Variants in NF1 observed in about 807,000 individuals in gnomAD.
NF1 encodes the protein neurofibromin.
NF1 carries 122 observed loss-of-function variants against 325.7 expected under a neutral mutation model. That is an observed-to-expected ratio of 0.37 (90% confidence interval 0.32 to 0.44). NF1 has a LOEUF of 0.44. Ranked by LOEUF, NF1 falls within the 20% of genes least tolerant of loss-of-function variation. NF1 has a pLI of 1.00. For missense variants in NF1, 2,140 were observed against 3,415.4 expected, an observed-to-expected ratio of 0.63 and a Z score of 9.31; for synonymous variants, 1,091 against 1,186.0, an observed-to-expected ratio of 0.92 and a Z score of 1.65.
chr17:31,357,133 A>T (rs768913424), intron 53 of NF1, 43 bp downstream of exon 53: 2 of 1,611,788 alleles, frequency 1.2e-6, no homozygotes, highest in South Asian at 2.2e-5. Flanking sequence ...TCAAATTTTT[A>T]TTCCAGTCTA....
At chr17:31,200,361 G>A in intron 8 of NF1, 61 bp from the exon 9 acceptor site, 2 of 1,505,042 alleles carry the variant, frequency 1.3e-6, no homozygotes, top group South Asian at 1.1e-5. Flanking sequence ...TATAATATTA[G>A]CTACATCTGG....
At chr17:31,159,829 A>G (rs886675153) in intron 3 of NF1, among the ~76,000 whole-genome samples, 1 of 152,152 alleles carries the variant, frequency 6.6e-6, no homozygotes, top group African/African-American at 2.4e-5. Context: ...ATTGAAATTA[A>G]CTCATTTCTT....
At chr17:31,287,197 C>T (rs2068244778) in intron 36 of NF1, among the ~76,000 whole-genome samples, 1 of 152,158 alleles carries the variant, frequency 6.6e-6, no homozygotes, top group African/African-American at 2.4e-5. Context: ...CAGTCATTTT[C>T]ACTTCTAATC....
Position 31,175,023 on chromosome 17 carries a change from C to T in NF1, c.586+5026C>T, listed in dbSNP as rs570916040. Among the ~76,000 whole-genome samples, 83 of 144,234 alleles carry T rather than the reference C, an allele frequency of 5.8e-4. 1 individual carries two copies. Among genetic ancestry groups the T allele is most frequent in the African/African-American group, 2.1e-3 (82 of 39,628 alleles). 94.6% of individuals were successfully genotyped at this position (144,234 alleles called of 152,430 possible). ...ACTGGGGAGGCTGAAGCAGGAGAATCGCTTGAACCTGGGAGACGGAGGTTG... is the reference window on the plus strand; with the variant it reads ...ACTGGGGAGGCTGAAGCAGGAGAATTGCTTGAACCTGGGAGACGGAGGTTG... On this transcript the variant is annotated intron_variant, in intron 5 of 57. Coordinates refer to ENST00000358273, the MANE Select transcript of NF1 (RefSeq NM_001042492.3).
intron 1 of NF1, among the ~76,000 whole-genome samples, chr17:31,120,149 G>C (rs906677996): frequency 9.9e-5 from 15 of 152,170 alleles, no homozygotes; most frequent in African/African-American, 3.4e-4. Context: ...CTGCAAGAAA[G>C]TCAATGGTAG....
chr17:31,232,481 C>T (rs774077816), intron 25 of NF1, among the ~76,000 whole-genome samples: 5 of 152,030 alleles, frequency 3.3e-5, no homozygotes, highest in African/African-American at 4.8e-5. Context: ...CTATTTGATG[C>T]TAATGTTATG....
chr17:31,350,166 C>T lies in NF1; in HGVS notation c.7322-17C>T, dbSNP rs17884859. On this transcript the variant is annotated splice_polypyrimidine_tract_variant and intron_variant, in intron 49 of 57. Transcript: ENST00000358273. ...TGATTTGTTAAATTTTTTAACCTGC[C>T]ACCGTTTTCCTTTTAGCTTTACTTA... 3,074 of 1,613,764 alleles carry T rather than the reference C, an allele frequency of 1.9e-3. 26 individuals are homozygous for T. In the African/African-American group the frequency reaches 0.024, roughly 13 times the overall value.
In NF1 at chr17:31,360,637, A is replaced by C; in HGVS notation, c.8311A>C (p.Ser2771Arg). 1 of 1,614,146 alleles carries C rather than the reference A, an allele frequency of 6.2e-7. No individual in the cohort carries two copies. The highest frequency in any genetic ancestry group is 8.5e-7 in the Non-Finnish European group (1 of 1,180,022). Residue 2771 changes from serine (S) to arginine (R), a missense_variant, in exon 57 of 58, where the codon AGT becomes CGT. Coordinates refer to ENST00000358273, the MANE Select transcript of NF1 (RefSeq NM_001042492.3). The part of the protein sequence containing the change: ...PYPPALQSQL[S>R]ITANLNLSNS... The stretch of plus-strand genomic sequence containing the variant: ...CCCTCCTGCACTGCAGAGCCAGCTT[A>C]GTATCACTGCCAACCTTAACCTTTC...
chr17:31,184,802 A>G (rs1249548779), intron 8 of NF1, among the ~76,000 whole-genome samples: 1 of 152,158 alleles, frequency 6.6e-6, no homozygotes, highest in Non-Finnish European at 1.5e-5. Context: ...AAGAGCTGAA[A>G]TTGTGAAAAA....
intron 36 of NF1, chr17:31,318,752 A>C (rs2151527265): frequency 1.2e-6 from 2 of 1,614,082 alleles, no homozygotes; most frequent in East Asian, 4.5e-5. Context: ...TCAGATTTAG[A>C]AGTTAAAGCT....
intron 36 of NF1, among the ~76,000 whole-genome samples, chr17:31,300,279 G>C (rs2040791): frequency 0.47 from 70,656 of 151,580 alleles, 20,283 homozygotes; most frequent in African/African-American, 0.81. Context: ...CCTTCCTTCT[G>C]CTATTAGTAA....
At chr17:31,132,328 A>G (rs538604855) in intron 1 of NF1, among the ~76,000 whole-genome samples, 3 of 152,218 alleles carry the variant, frequency 2.0e-5, no homozygotes, top group African/African-American at 7.2e-5. Context: ...GATCACTTGA[A>G]GTCGAGAGTT....
At chr17:31,322,091 GTA>G (rs200718505) in intron 36 of NF1, among the ~76,000 whole-genome samples, 6,045 of 62,598 alleles carry the variant, frequency 0.097, 157 homozygotes, top group Non-Finnish European at 0.12. Context: ...TGTAGTGTGT[GTA>G]TACACACACA....
intron 1 of NF1, among the ~76,000 whole-genome samples, chr17:31,112,365 C>G (rs1362105379): frequency 6.6e-6 from 1 of 152,060 alleles, no homozygotes; most frequent in Non-Finnish European, 1.5e-5. Flanking sequence ...TTTTAAGAGG[C>G]CACCAAGCTG....
In NF1 at chr17:31,352,330, G is replaced by A. The variant is rs2230850; in HGVS notation, c.7531G>A (p.Val2511Ile). 1.2e-6 allele frequency: 2 copies of A among 1,614,062 alleles called. No individual in the cohort carries two copies. Among genetic ancestry groups the A allele is most frequent in the South Asian group, 2.2e-5 (2 of 91,086 alleles). Reference protein sequence around the residue: ...EGYLAATYPTVGQTSPRARKS... With the variant: ...EGYLAATYPTIGQTSPRARKS... Reference sequence around the variant, plus strand: ...ATACCTTGCAGCCACCTATCCAACTGTCGGCCAGACCAGTCCCCGAGCCAG... The same window carrying A: ...ATACCTTGCAGCCACCTATCCAACTATCGGCCAGACCAGTCCCCGAGCCAG... Residue 2511 changes from valine to isoleucine, a missense_variant, in exon 51 of 58, where the codon GTC becomes ATC. By Grantham distance (29) the Val-to-Ile change is conservative. Coordinates refer to ENST00000358273, the MANE Select transcript of NF1 (RefSeq NM_001042492.3).
chr17:31,152,037 C>A (rs558141776), intron 1 of NF1, among the ~76,000 whole-genome samples: 3 of 152,126 alleles, frequency 2.0e-5, no homozygotes, highest in Non-Finnish European at 4.4e-5. Flanking sequence ...CCCCCCTCCC[C>A]CTACCCCACG....
chr17:31,100,530 C>T lies in NF1; in HGVS notation c.60+5161C>T, dbSNP rs564571700. On this transcript the variant is annotated intron_variant, in intron 1 of 57. Transcript: ENST00000358273. ...GCACAATAATGCTTATTCTTTGCTT[C>T]GGAATTTTTTAATTTATTATTATTG... Among the ~76,000 whole-genome samples the T allele has an allele frequency of 6.6e-5, 10 of 151,954 alleles. No homozygotes were observed. In the South Asian group the frequency reaches 1.5e-3, roughly 22 times the overall value.
At chr17:31,126,584 GGTACGCGCCACT>G (rs1269701425) in intron 1 of NF1, among the ~76,000 whole-genome samples, 1 of 152,078 alleles carries the variant, frequency 6.6e-6, no homozygotes, top group East Asian at 1.9e-4. Flanking sequence ...TGGGACTACA[GGTACGCGCCACT>G]GTGCCTGGCT....
Position 31,095,166 on chromosome 17 carries a change from A to T in NF1, c.-144A>T. The T allele has an allele frequency of 8.0e-6, 2 of 249,846 alleles. No homozygotes were observed. The highest frequency in any genetic ancestry group is 1.4e-5 in the Non-Finnish European group (2 of 144,280). The allele number at this position is 249,846 out of a possible 1,614,324, so 15.5% of individuals were successfully genotyped here. A position where few individuals can be genotyped will look rare whatever the true frequency, so the allele number is the denominator to read the frequency against. ...CGCTCGGCGCTGACCCCCCATCCCCACCCCCGTGGGAACACTGGGAGCCTG... is the reference window on the plus strand; with the variant it reads ...CGCTCGGCGCTGACCCCCCATCCCCTCCCCCGTGGGAACACTGGGAGCCTG... On this transcript the variant is annotated 5_prime_UTR_variant, in exon 1 of 58. Coordinates refer to ENST00000358273, the MANE Select transcript of NF1 (RefSeq NM_001042492.3).
Sources: allele counts gnomAD v4.1 joint callset (sites outside exome capture counted in the v4.1 genomes callset), GRCh38; gene constraint gnomAD v4.1.1; transcripts MANE v1.5; gene names NCBI Gene and HGNC (gene_info 2026-07-23, HGNC 2026-07-21).